Variants in PLCE1 observed in about 807,000 individuals in gnomAD.
The protein encoded by PLCE1 is 1-phosphatidylinositol 4,5-bisphosphate phosphodiesterase epsilon-1.
In PLCE1, 119 loss-of-function variants were observed where a neutral mutation model predicts 242.8. That is an observed-to-expected ratio of 0.49 (90% CI 0.42 to 0.57). The LOEUF (loss-of-function observed/expected upper bound fraction) is 0.57, where lower values mean the gene tolerates loss of function less well. PLCE1 is among the 20% of genes least tolerant of loss of function. The pLI is 0.00. For synonymous variants in PLCE1, 945 were observed against 1,017.4 expected (o/e 0.93, Z 1.35); for missense variants, 2,441 against 2,788.8 (o/e 0.88, Z 2.81).
chr10:94,083,642 G>T (rs1278726513), intron 2 of PLCE1, among the ~76,000 whole-genome samples: 1 of 152,204 alleles, frequency 6.6e-6, no homozygotes, highest in East Asian at 1.9e-4. Flanking sequence ...TATTTTTCCT[G>T]TTAGGTATAG....
chr10:94,164,432 A>G (rs954803675), intron 3 of PLCE1, among the ~76,000 whole-genome samples: 3 of 152,124 alleles, frequency 2.0e-5, no homozygotes, highest in African/African-American at 7.2e-5. Context: ...CCTTTCTTCC[A>G]GTTGATCAAA....
intron 4 of PLCE1, among the ~76,000 whole-genome samples, chr10:94,226,295 C>G (rs566609666): frequency 6.6e-6 from 1 of 152,148 alleles, no homozygotes; most frequent in African/African-American, 2.4e-5. Flanking sequence ...TTTGTGTAAA[C>G]ACATCAGGCA....
chr10:94,050,737 C>T (rs180847603), intron 2 of PLCE1, among the ~76,000 whole-genome samples: 153 of 152,058 alleles, frequency 1.0e-3, no homozygotes, highest in Non-Finnish European at 1.2e-3. Context: ...TTATCTAGCA[C>T]ATATGAATTA....
At chr10:94,187,146 A>G (rs1030353563) in intron 4 of PLCE1, among the ~76,000 whole-genome samples, 43 of 145,508 alleles carry the variant, frequency 3.0e-4, no homozygotes, top group East Asian at 2.1e-3. Context: ...TGAAACATAT[A>G]TGTGTGTGTG....
intron 19 of PLCE1, among the ~76,000 whole-genome samples, chr10:94,275,112 T>G (rs949865844): frequency 1.1e-4 from 16 of 152,226 alleles, no homozygotes; most frequent in South Asian, 2.1e-4. Flanking sequence ...TGCACAGTCA[T>G]TTGCAGTTAC....
In PLCE1 at chr10:94,236,023, C is replaced by T. The variant is rs761776701; in HGVS notation, c.2323C>T (p.Arg775Trp). Residue 775 changes from arginine to tryptophan, a missense_variant, in exon 7 of 33, where the codon CGG becomes TGG. Coordinates refer to ENST00000371380, the MANE Select transcript of PLCE1 (RefSeq NM_016341.4). ...STVNSIFQVI[R>W]SCNRSLETDE... ...TGTCAACAGCATCTTTCAGGTCATC[C>T]GGAGCTGCAATCGAAGTCTGGAGAC... The T allele has an allele frequency of 6.2e-7, 1 of 1,613,858 alleles. No individual in the cohort carries two copies. Among genetic ancestry groups the T allele is most frequent in the African/African-American group, 1.3e-5 (1 of 74,902 alleles).
intron 1 of PLCE1, among the ~76,000 whole-genome samples, chr10:94,010,806 C>T (rs1172988024): frequency 6.6e-6 from 1 of 152,220 alleles, no homozygotes; most frequent in African/African-American, 2.4e-5. Flanking sequence ...CCAATAACTT[C>T]CTCATTTCCA....
intron 3 of PLCE1, among the ~76,000 whole-genome samples, chr10:94,166,539 C>T (rs1024580096): frequency 6.6e-6 from 1 of 151,626 alleles, no homozygotes; most frequent in Non-Finnish European, 1.5e-5. Flanking sequence ...GTATTCCTGC[C>T]TAACTCTTCA....
Position 94,293,539 on chromosome 10 carries a change from C to A in PLCE1, c.5067C>A (p.Ser1689Arg). The A allele has an allele frequency of 6.2e-7, 1 of 1,613,666 alleles. No homozygotes were observed. Among genetic ancestry groups the A allele is most frequent in the Non-Finnish European group, 8.5e-7 (1 of 1,179,694 alleles). ...CAACTCTAAATGCATCTGGCTCTAG[C>A]AGAGGAAAAGAAAGGAAAAGCAGGA... Reference protein sequence around the residue: ...GLSTLNASGSSRGKERKSRKS... With the variant: ...GLSTLNASGSRRGKERKSRKS... Residue 1689 changes from serine to arginine, a missense_variant, in exon 23 of 33, where the codon AGC (serine) becomes AGA (arginine). Physicochemically the swap from Ser to Arg is moderately radical, Grantham distance 110. This residue lies in a region of PLCE1 where 1,004 missense variants were observed against 1,322.7 expected (regional missense o/e 0.76). Transcript: ENST00000371380.
intron 2 of PLCE1, chr10:94,088,894 CA>C (rs2044948228): frequency 2.2e-6 from 1 of 454,636 alleles, no homozygotes; most frequent in African/African-American, 2.0e-5. Flanking sequence ...TACTAAAACG[CA>C]AGGACATTTT....
chr10:94,184,105 T>C (rs1489525585), intron 4 of PLCE1, among the ~76,000 whole-genome samples: 2 of 152,200 alleles, frequency 1.3e-5, no homozygotes, highest in African/African-American at 2.4e-5. Flanking sequence ...TCTGCTAAGC[T>C]AGGTTGAAAC....
At chr10:94,122,266 G>C (rs138707179) in intron 2 of PLCE1, among the ~76,000 whole-genome samples, 1 of 152,186 alleles carries the variant, frequency 6.6e-6, no homozygotes, top group South Asian at 2.1e-4. Flanking sequence ...CCTTAGAGCT[G>C]CAAGGAGCCT....
intron 1 of PLCE1, among the ~76,000 whole-genome samples, chr10:94,023,776 A>G (rs2061414161): frequency 1.3e-5 from 2 of 152,152 alleles, no homozygotes; most frequent in African/African-American, 4.8e-5. Context: ...AACTTCTAAT[A>G]TGTAATATAC....
chr10:94,217,578 A>G (rs533869852), intron 4 of PLCE1, among the ~76,000 whole-genome samples: 1 of 152,342 alleles, frequency 6.6e-6, no homozygotes, highest in African/African-American at 2.4e-5. Context: ...ATTCAATTCA[A>G]TTAACTATGG....
intron 2 of PLCE1, among the ~76,000 whole-genome samples, chr10:94,038,617 G>T (rs1998707): frequency 0.33 from 50,569 of 151,920 alleles, 9,314 homozygotes; most frequent in African/African-American, 0.5. Flanking sequence ...TGCTATCATT[G>T]TTCAAGGATA....
rs955280936 is a variant in PLCE1, at chr10:94,192,902, T to C, written c.1809+21406T>C. On this transcript the variant is annotated intron_variant, in intron 4 of 32. Coordinates refer to ENST00000371380, the MANE Select transcript of PLCE1 (RefSeq NM_016341.4). ...CATCTGGAACGCACCCGCTCTCATC[T>C]GATCTTGGAAAAACTAAAAGGATAC... Among the ~76,000 whole-genome samples the C allele has an allele frequency of 2.4e-4, 36 of 152,308 alleles. 1 individual carries two copies. Among genetic ancestry groups the C allele is most frequent in the African/African-American group, 8.4e-4 (35 of 41,566 alleles).
intron 2 of PLCE1, among the ~76,000 whole-genome samples, chr10:94,051,361 A>G (rs2043762194): frequency 6.7e-6 from 1 of 148,426 alleles, no homozygotes; most frequent in Non-Finnish European, 1.5e-5. Context: ...AGAGATTTGC[A>G]GTTTTTCATG....
intron 1 of PLCE1, among the ~76,000 whole-genome samples, chr10:94,024,127 G>A (rs150771645): frequency 1.3e-5 from 2 of 152,310 alleles, no homozygotes; most frequent in South Asian, 2.1e-4. Context: ...CCGTGTGCAC[G>A]TGATAAGGGA....
chr10:94,325,548 TCA>T (rs979013786), intron 32 of PLCE1: 1 of 163,484 alleles, frequency 6.1e-6, no homozygotes, highest in African/African-American at 2.5e-5. Flanking sequence ...TGAGCTGAGA[TCA>T]CACCATTGCA....
Sources: allele counts gnomAD v4.1 joint callset (sites outside exome capture counted in the v4.1 genomes callset), GRCh38; gene constraint gnomAD v4.1.1; regional missense constraint gnomAD v4.1.1; transcripts MANE v1.5; gene names NCBI Gene and HGNC (gene_info 2026-07-23, HGNC 2026-07-21).